Variants in SMCO4 observed in about 807,000 individuals in gnomAD.
SMCO4 encodes single-pass membrane protein with coiled-coil domains 4.
Under a neutral mutation model 3.6 loss-of-function variants are expected in SMCO4, and 4 were observed. That is an observed-to-expected ratio of 1.11 (90% confidence interval 0.54 to 2.53). The LOEUF is 2.53. Among genes scored for constraint, SMCO4 ranks in the 30% most tolerant of loss-of-function variants. SMCO4 has a pLI of 0.02. For synonymous variants in SMCO4, 36 were observed against 35.3 expected (o/e 1.02, Z -0.07); for missense variants, 70 against 80.8 (o/e 0.87, Z 0.51).
chr11:93,496,543 T>C lies in SMCO4; in HGVS notation c.-81+2733A>G, dbSNP rs955316367. 6.6e-5 allele frequency among the ~76,000 whole-genome samples: 10 copies of C among 152,190 alleles called. No homozygotes were observed. In the East Asian group the frequency reaches 9.7e-4, roughly 15 times the overall value. ...TGCCATAAAGGGTGTAAGAATGCTA[T>C]AGAACACAGAGGAGTCCTGGGGCCA... On this transcript the variant is annotated intron_variant, in intron 2 of 2. Transcript: ENST00000298966.
the SMCO4 span, among the ~76,000 whole-genome samples, chr11:93,552,495 A>G: frequency 1.6e-5 from 2 of 124,998 alleles, no homozygotes; most frequent in African/African-American, 5.5e-5. Context: ...TTTTTGAGAC[A>G]GAGTCTCGAT....
chr11:93,537,033 T>C (rs1949232481), intron 1 of SMCO4, among the ~76,000 whole-genome samples: 1 of 152,180 alleles, frequency 6.6e-6, no homozygotes, highest in Non-Finnish European at 1.5e-5. Flanking sequence ...TGCAAACCAG[T>C]CCTACCCTGA....
At position 93,506,579 on chromosome 11, in the gene SMCO4, C is replaced by T. The variant is rs183536999; in HGVS notation, c.-153-7231G>A. 7.2e-5 allele frequency among the ~76,000 whole-genome samples: 11 copies of T among 152,098 alleles called. No individual in the cohort carries two copies. The East Asian group carries it at 1.2e-3, about 16-fold the overall frequency. On this transcript the variant is annotated intron_variant, in intron 1 of 2. Coordinates refer to ENST00000298966, the MANE Select transcript of SMCO4 (RefSeq NM_020179.3). ...TCAGCCTCCAGAGTAGCTGGGACTA[C>T]GGGTGCCCGCCACCACGTCTAGCTA...
intron 2 of SMCO4, among the ~76,000 whole-genome samples, chr11:93,486,163 G>A (rs1948647770): frequency 6.6e-6 from 1 of 152,140 alleles, no homozygotes; most frequent in South Asian, 2.1e-4. Flanking sequence ...AAACATGCAA[G>A]CCTCACAGCA....
the SMCO4 span, among the ~76,000 whole-genome samples, chr11:93,552,266 A>G: frequency 6.7e-6 from 1 of 148,570 alleles, no homozygotes; most frequent in African/African-American, 2.5e-5. Context: ...AAGCCTTCCA[A>G]GTAATTGGGA....
chr11:93,545,608 AAG>A (rs1323164097), upstream of SMCO4, among the ~76,000 whole-genome samples: 8 of 144,778 alleles, frequency 5.5e-5, 1 homozygote, highest in African/African-American at 1.0e-4. Flanking sequence ...AAAAAAAAAA[AAG>A]AGAGAGAGAG....
chr11:93,538,130 G>C (rs1591331582), intron 1 of SMCO4, among the ~76,000 whole-genome samples: 1 of 152,234 alleles, frequency 6.6e-6, no homozygotes. Context: ...TCCTACCGAT[G>C]ACAGGACATG....
At chr11:93,533,935 C>A (rs1949187562) in intron 1 of SMCO4, among the ~76,000 whole-genome samples, 1 of 151,904 alleles carries the variant, frequency 6.6e-6, no homozygotes, top group South Asian at 2.1e-4. Flanking sequence ...GCCTGTAATC[C>A]CAACACTTGT....
intron 2 of SMCO4, among the ~76,000 whole-genome samples, chr11:93,493,595 T>C (rs927241646): frequency 2.6e-5 from 4 of 152,176 alleles, no homozygotes; most frequent in Admixed American, 2.0e-4. Context: ...TTCCAGGGAA[T>C]GATTTCACAG....
chr11:93,526,516 G>A (rs1188369645), intron 1 of SMCO4, among the ~76,000 whole-genome samples: 1 of 152,068 alleles, frequency 6.6e-6, no homozygotes, highest in Non-Finnish European at 1.5e-5. Flanking sequence ...GGTAGACAGT[G>A]GAACATTATA....
rs535836205 is a variant in SMCO4, at chr11:93,522,070, T to C, written c.-154+21206A>G. Among the ~76,000 whole-genome samples the C allele has an allele frequency of 5.3e-5, 8 of 150,182 alleles. No individual in the cohort carries two copies. The South Asian group carries it at 1.3e-3, about 24-fold the overall frequency. ...TTAACAGTTTGAAAAGCCCCAACTC[T>C]AGCCCCTTTTTGGCACAAACTTTAA... is the stretch of plus-strand genomic sequence containing the variant. On this transcript the variant is annotated intron_variant, in intron 1 of 2. Coordinates refer to ENST00000298966, the MANE Select transcript of SMCO4 (RefSeq NM_020179.3).
At chr11:93,482,313 C>G (rs1948601251) in intron 2 of SMCO4, among the ~76,000 whole-genome samples, 1 of 152,154 alleles carries the variant, frequency 6.6e-6, no homozygotes, top group Non-Finnish European at 1.5e-5. Flanking sequence ...CCAGGGAGGG[C>G]ATGGGCACTG....
At chr11:93,503,498 C>T (rs1027786381) in intron 1 of SMCO4, among the ~76,000 whole-genome samples, 1 of 152,114 alleles carries the variant, frequency 6.6e-6, no homozygotes, top group African/African-American at 2.4e-5. Flanking sequence ...AATCCTGAAA[C>T]CTGGAAATGT....
chr11:93,518,927 T>A (rs968694951), intron 1 of SMCO4, among the ~76,000 whole-genome samples: 1 of 152,214 alleles, frequency 6.6e-6, no homozygotes, highest in South Asian at 2.1e-4. Context: ...CTGGTTCTCA[T>A]TTTTAGTAAG....
At chr11:93,515,371 C>G (rs1565383465) in intron 1 of SMCO4, among the ~76,000 whole-genome samples, 1 of 152,178 alleles carries the variant, frequency 6.6e-6, no homozygotes, top group South Asian at 2.1e-4. Context: ...TACAGTCCCC[C>G]CAAGCTTCCA....
chr11:93,506,129 G>A (rs954011482), intron 1 of SMCO4, among the ~76,000 whole-genome samples: 2 of 152,168 alleles, frequency 1.3e-5, no homozygotes, highest in African/African-American at 4.8e-5. Flanking sequence ...ACACACACGG[G>A]GAGGGAGAGG....
At chr11:93,551,587 G>A in the SMCO4 span, among the ~76,000 whole-genome samples, 3 of 152,174 alleles carry the variant, frequency 2.0e-5, no homozygotes, top group Non-Finnish European at 4.4e-5. Flanking sequence ...ACTTAGGTGA[G>A]TATTTTACTC....
intron 1 of SMCO4, among the ~76,000 whole-genome samples, chr11:93,536,363 T>C (rs533514094): frequency 7.9e-5 from 12 of 152,186 alleles, no homozygotes; most frequent in Non-Finnish European, 1.6e-4. Context: ...AATGAAGATA[T>C]AATAGCAAAA....
At chr11:93,542,030 G>A (rs773577209) in intron 1 of SMCO4, among the ~76,000 whole-genome samples, 4 of 151,940 alleles carry the variant, frequency 2.6e-5, no homozygotes, top group Non-Finnish European at 5.9e-5. Flanking sequence ...GGCTCAAGAA[G>A]CCCACTATGG....
Sources: allele counts gnomAD v4.1 joint callset (sites outside exome capture counted in the v4.1 genomes callset), GRCh38; gene constraint gnomAD v4.1.1; transcripts MANE v1.5; gene names NCBI Gene and HGNC (gene_info 2026-07-23, HGNC 2026-07-21).